PFKFB3: variants seen among roughly 807,000 people sequenced by gnomAD.
PFKFB3 encodes the protein 6-phosphofructo-2-kinase/fructose-2,6-bisphosphatase 3.
Under a neutral mutation model 68.0 loss-of-function variants are expected in PFKFB3, and 33 were observed. The observed-to-expected ratio is 0.49, with a 90% CI of 0.37 to 0.65. PFKFB3 has a LOEUF of 0.65. Ranked by LOEUF, PFKFB3 falls within the 30% of genes least tolerant of loss-of-function variation. PFKFB3 has a pLI of 0.00. For missense variants in PFKFB3, 586 were observed against 712.2 expected (o/e 0.82, Z 2.02); for synonymous variants, 315 against 288.2 (o/e 1.09, Z -0.94).
Position 6,226,183 on chromosome 10 carries a change from C to T in PFKFB3, c.1342-9C>T. On this transcript the variant is annotated splice_polypyrimidine_tract_variant and intron_variant, in intron 13 of 14. Transcript: ENST00000379775. ...TCGCCTTTCTCTCTTTTGTCTTTGT[C>T]TTGCTTAGGATGCAAAGAAGGGACC... 2.6e-6 allele frequency: 4 copies of T among 1,561,674 alleles called. No homozygotes were observed. The highest frequency in any genetic ancestry group is 3.5e-6 in the Non-Finnish European group (4 of 1,155,054).
chr10:6,231,479 C>G (rs573723240), intron 14 of PFKFB3: 13 of 985,376 alleles, frequency 1.3e-5, no homozygotes, highest in South Asian at 4.7e-5. Context: ...TCTCACCCCC[C>G]ACGTGTCCTG....
chr10:6,226,960 C>T (rs143959945), intron 14 of PFKFB3, among the ~76,000 whole-genome samples: 10 of 152,248 alleles, frequency 6.6e-5, no homozygotes, highest in African/African-American at 2.2e-4. Context: ...GAGGCGGGCG[C>T]CTGTAATCCC....
chr10:6,205,683 A>C (rs1843634937), intron 1 of PFKFB3, among the ~76,000 whole-genome samples: 1 of 151,816 alleles, frequency 6.6e-6, no homozygotes, highest in Non-Finnish European at 1.5e-5. Flanking sequence ...ATGAGCCACC[A>C]CGCCCAGCTG....
upstream of PFKFB3, among the ~76,000 whole-genome samples, chr10:6,200,853 C>A (rs1016308471): frequency 6.6e-6 from 1 of 152,154 alleles, no homozygotes; most frequent in African/African-American, 2.4e-5. Flanking sequence ...ACATCAACTC[C>A]CTGTGCCCTA....
intron 1 of PFKFB3, among the ~76,000 whole-genome samples, chr10:6,155,418 A>C (rs1379033195): frequency 2.6e-5 from 4 of 151,786 alleles, no homozygotes; most frequent in African/African-American, 9.7e-5. Context: ...GTTAGCCAGG[A>C]TGGTCTCGAT....
the PFKFB3 span, among the ~76,000 whole-genome samples, chr10:6,259,949 C>A: frequency 6.6e-6 from 1 of 152,150 alleles, no homozygotes; most frequent in African/African-American, 2.4e-5. Context: ...CTTCTGTACA[C>A]CCTGGCTCAT....
chr10:6,226,080 T>C (rs1294435838), intron 13 of PFKFB3, 112 bp from the exon 14 acceptor site: 2 of 952,040 alleles, frequency 2.1e-6, no homozygotes, highest in Non-Finnish European at 3.2e-6. Context: ...CTCCCCTCGG[T>C]CAGTCTTTTT....
At chr10:6,168,596 T>C (rs1343306337) in intron 1 of PFKFB3, among the ~76,000 whole-genome samples, 1 of 152,192 alleles carries the variant, frequency 6.6e-6, no homozygotes, top group Non-Finnish European at 1.5e-5. Flanking sequence ...CCAGAGTGCT[T>C]CCTAAGTGGG....
chr10:6,200,205 T>C (rs1843292769), upstream of PFKFB3, among the ~76,000 whole-genome samples: 1 of 152,212 alleles, frequency 6.6e-6, no homozygotes, highest in Non-Finnish European at 1.5e-5. Context: ...TCATAGTTTC[T>C]AGGACCACGA....
the PFKFB3 span, among the ~76,000 whole-genome samples, chr10:6,278,279 T>TTTGTTG: frequency 6.6e-6 from 1 of 151,514 alleles, no homozygotes; most frequent in Non-Finnish European, 1.5e-5. Context: ...TTGATTTTTT[T>TTTGTTG]TTGTTGTTGT....
intron 1 of PFKFB3, among the ~76,000 whole-genome samples, chr10:6,183,374 A>G (rs902147020): frequency 6.6e-6 from 1 of 152,036 alleles, no homozygotes; most frequent in East Asian, 1.9e-4. Flanking sequence ...TCTGTTTACT[A>G]ACTGCTTCCT....
At chr10:6,292,585 G>C in the PFKFB3 span, among the ~76,000 whole-genome samples, 1 of 151,524 alleles carries the variant, frequency 6.6e-6, no homozygotes, top group Non-Finnish European at 1.5e-5. Flanking sequence ...CACCGTGCCT[G>C]GCCCGAAACC....
chr10:6,180,508 A>G (rs987966954), intron 1 of PFKFB3, among the ~76,000 whole-genome samples: 2 of 152,168 alleles, frequency 1.3e-5, no homozygotes, highest in African/African-American at 4.8e-5. Flanking sequence ...CACTTTGCCC[A>G]AGCTGGAGTA....
chr10:6,183,614 A>AATAT (rs371411251), intron 1 of PFKFB3, among the ~76,000 whole-genome samples: 177 of 93,926 alleles, frequency 1.9e-3, no homozygotes, highest in Middle Eastern at 5.2e-3. Flanking sequence ...AAAAAAAAAA[A>AATAT]ATATATATAT....
intron 13 of PFKFB3, chr10:6,224,628 G>A (rs569280827): frequency 8.3e-6 from 3 of 362,024 alleles, no homozygotes; most frequent in Admixed American, 3.8e-5. Context: ...CTACAGGTGC[G>A]CACCACCATG....
At chr10:6,167,525 A>G (rs1226589139) in intron 1 of PFKFB3, among the ~76,000 whole-genome samples, 1 of 152,196 alleles carries the variant, frequency 6.6e-6, no homozygotes, top group Admixed American at 6.5e-5. Flanking sequence ...CCATTTTAAC[A>G]TCTCTTGAGA....
intron 14 of PFKFB3, among the ~76,000 whole-genome samples, chr10:6,227,085 CA>C (rs1042189880): frequency 5.8e-4 from 79 of 136,120 alleles, no homozygotes; most frequent in African/African-American, 6.2e-4. Flanking sequence ...GACTCCGTCT[CA>C]AAAAAAAAAA....
chr10:6,288,555 A>C, the PFKFB3 span, among the ~76,000 whole-genome samples: 8 of 152,016 alleles, frequency 5.3e-5, no homozygotes, highest in South Asian at 1.2e-3. Context: ...ATGGCTGCAT[A>C]GTATTCCATG....
chr10:6,275,577 C>A, the PFKFB3 span, among the ~76,000 whole-genome samples: 1 of 152,226 alleles, frequency 6.6e-6, no homozygotes, highest in Non-Finnish European at 1.5e-5. This position sits in a 1 kb window ranked among gnomAD's most constrained non-coding sequence, Gnocchi z 4.9. Context: ...TTGTTCCCCA[C>A]ACGCGTTCTT....
Sources: gnomAD v4.1 joint callset for allele counts (sites outside exome capture counted in the v4.1 genomes callset) on GRCh38, gnomAD v4.1.1 for gene constraint, Gnocchi (gnomAD v3.1) non-coding constraint, MANE v1.5 for transcripts, NCBI Gene and HGNC (gene_info 2026-07-23, HGNC 2026-07-21) for gene names.